MAPK1IP1L: variants seen among roughly 807,000 people sequenced by gnomAD.
MAPK1IP1L encodes the protein MAPK-interacting and spindle-stabilizing protein-like.
In MAPK1IP1L, 10 loss-of-function variants were observed where a neutral mutation model predicts 18.1. The observed-to-expected ratio is 0.55, with a 90% CI of 0.34 to 0.94. MAPK1IP1L has a LOEUF of 0.94. Among genes scored for constraint, MAPK1IP1L ranks in the 40% least tolerant of loss-of-function variants. The pLI is 0.02. For synonymous variants in MAPK1IP1L, 115 were observed against 117.3 expected, an observed-to-expected ratio of 0.98 and a Z score of 0.13; for missense variants, 260 against 318.2, an observed-to-expected ratio of 0.82 and a Z score of 1.39.
At chr14:55,062,165 C>T (rs2042822797) in intron 2 of MAPK1IP1L, among the ~76,000 whole-genome samples, 1 of 152,022 alleles carries the variant, frequency 6.6e-6, no homozygotes, top group South Asian at 2.1e-4. Flanking sequence ...TATTATATAC[C>T]AGGCACTCTG....
Position 55,065,835 on chromosome 14 carries a change from G to A in MAPK1IP1L, c.*1208G>A, listed in dbSNP as rs1289163759. 1 of 152,186 alleles carries A rather than the reference G, an allele frequency of 6.6e-6. No homozygotes were observed. Among genetic ancestry groups the A allele is most frequent in the South Asian group, 2.1e-4 (1 of 4,836 alleles). 9.4% of individuals were successfully genotyped at this position (152,186 alleles called of 1,614,324 possible). A position where few individuals can be genotyped will look rare whatever the true frequency, so the allele number is the denominator to read the frequency against. ...AGTTCAGTTCTGTATTTGTTGACAG[G>A]TAAATAAGTGGAGTTGAGTGCCATC... On this transcript the variant is annotated 3_prime_UTR_variant, in exon 4 of 4. Transcript: ENST00000395468.
At chr14:55,051,977 G>T (rs1003910621) in intron 1 of MAPK1IP1L, among the ~76,000 whole-genome samples, 174 bp downstream of exon 1, 1 of 152,118 alleles carries the variant, frequency 6.6e-6, no homozygotes, top group East Asian at 1.9e-4. Flanking sequence ...CGTTTCTATC[G>T]GTCGCCTTCC....
chr14:55,051,686 G>C lies in MAPK1IP1L; in HGVS notation c.-122G>C, dbSNP rs1373737054. The C allele has an allele frequency of 7.8e-6, 4 of 516,102 alleles. No homozygotes were observed. Among genetic ancestry groups the C allele is most frequent in the Non-Finnish European group, 1.2e-5 (3 of 259,504 alleles). 32.0% of individuals were successfully genotyped at this position (516,102 alleles called of 1,614,324 possible). A position where few individuals can be genotyped will look rare whatever the true frequency, so the allele number is the denominator to read the frequency against. Reference sequence around the variant, plus strand: ...CGCCAGGAGGAGCCGCGCGCTGCTGGTGCTGTTGCCGCCGCTGCTCTAGCT... The same window carrying C: ...CGCCAGGAGGAGCCGCGCGCTGCTGCTGCTGTTGCCGCCGCTGCTCTAGCT... On this transcript the variant is annotated 5_prime_UTR_variant, in exon 1 of 4. Transcript: ENST00000395468.
In MAPK1IP1L at chr14:55,062,640, A is replaced by T; in HGVS notation, c.41A>T (p.His14Leu). Reference protein sequence around the residue: ...EFSLADALPEHSPAKTSAVSN... With the variant: ...EFSLADALPELSPAKTSAVSN... ...CAGTTGGCAGATGCACTACCTGAACACTCCCCTGCCAAAACCTCTGCTGTG... is the reference window on the plus strand; with the variant it reads ...CAGTTGGCAGATGCACTACCTGAACTCTCCCCTGCCAAAACCTCTGCTGTG... The change falls in exon 3 of 4, where the codon CAC (histidine) becomes CTC (leucine). Residue 14 changes from histidine to leucine, a missense_variant. Transcript: ENST00000395468. 1 of 1,613,022 alleles carries T rather than the reference A, an allele frequency of 6.2e-7. No individual in the cohort carries two copies.
At position 55,062,755 on chromosome 14, in the gene MAPK1IP1L, A is replaced by T. The variant is rs1271891111; in HGVS notation, c.156A>T (p.Gly52=). The T allele has an allele frequency of 6.2e-7, 1 of 1,613,504 alleles. No homozygotes were observed. The highest frequency in any genetic ancestry group is 8.5e-7 in the Non-Finnish European group (1 of 1,179,850). Reference sequence around the variant, plus strand: ...GTGCTCCATCTTCAGTGCCATCTGGACTCCCACCAAGTGCAACACCCTCCA... The same window carrying T: ...GTGCTCCATCTTCAGTGCCATCTGGTCTCCCACCAAGTGCAACACCCTCCA... The part of the protein sequence containing the change: ...NPSAPSSVPS[G]LPPSATPSTV... The change falls in exon 3 of 4, where the codon GGA becomes GGT. Residue 52 remains glycine, a synonymous_variant. Transcript: ENST00000395468.
In MAPK1IP1L at chr14:55,065,789, T is replaced by G. The variant is rs1008695620; in HGVS notation, c.*1162T>G. 1 of 152,222 alleles carries G rather than the reference T, an allele frequency of 6.6e-6. No individual in the cohort carries two copies. Among genetic ancestry groups the G allele is most frequent in the Non-Finnish European group, 1.5e-5 (1 of 68,034 alleles). The allele number at this position is 152,222 out of a possible 1,614,324, so 9.4% of individuals were successfully genotyped here. A position where few individuals can be genotyped will look rare whatever the true frequency, so the allele number is the denominator to read the frequency against. On this transcript the variant is annotated 3_prime_UTR_variant, in exon 4 of 4. Coordinates refer to ENST00000395468, the MANE Select transcript of MAPK1IP1L (RefSeq NM_144578.4). The stretch of plus-strand genomic sequence containing the variant: ...TACTGCATAGTTTCCTGAGTCTGTT[T>G]GTAAAGTGCTTATGGCTAACAGTTC...
intron 1 of MAPK1IP1L, among the ~76,000 whole-genome samples, chr14:55,059,925 G>A: frequency 6.6e-6 from 1 of 152,116 alleles, no homozygotes; most frequent in Admixed American, 6.5e-5. Context: ...AAGATAGATA[G>A]TTGATAATTA....
intron 1 of MAPK1IP1L, among the ~76,000 whole-genome samples, chr14:55,057,144 C>T (rs577863204): frequency 6.6e-6 from 1 of 152,280 alleles, no homozygotes; most frequent in South Asian, 2.1e-4. Flanking sequence ...CATACTTAAA[C>T]ATTAGCATTC....
Position 55,060,154 on chromosome 14 carries a change from A to ATTT in MAPK1IP1L, c.-4-1493_-4-1491dup, listed in dbSNP as rs71131248. 3.2e-3 allele frequency among the ~76,000 whole-genome samples: 202 copies of ATTT among 63,930 alleles called. 5 individuals carry two copies. The highest frequency in any genetic ancestry group is 9.6e-3 in the East Asian group (16 of 1,672). 41.9% of individuals were successfully genotyped at this position (63,930 alleles called of 152,430 possible). On this transcript the variant is annotated intron_variant, in intron 1 of 3. Coordinates refer to ENST00000395468, the MANE Select transcript of MAPK1IP1L (RefSeq NM_144578.4). ...TACAGATAAAAGGAATTTTGGAGAA[A>ATTT]TTTTTTTTTTTTTTTTTTTTTTTTT...
Position 55,063,056 on chromosome 14 carries a change from T to G in MAPK1IP1L, c.457T>G (p.Trp153Gly), listed in dbSNP as rs1245309955. Reference protein sequence around the residue: ...GPWGSMSSGPWAPGMGGQYPT... With the variant: ...GPWGSMSSGPGAPGMGGQYPT... ...ATGGGGATCCATGTCTTCTGGACCT[T>G]GGGCGCCAGGAATGGGAGGGCAGTA... The change falls in exon 3 of 4, where the codon TGG becomes GGG. Residue 153 changes from tryptophan (W) to glycine (G), a missense_variant. Coordinates refer to ENST00000395468, the MANE Select transcript of MAPK1IP1L (RefSeq NM_144578.4). 1 of 1,613,700 alleles carries G rather than the reference T, an allele frequency of 6.2e-7. No homozygotes were observed. The highest frequency in any genetic ancestry group is 1.3e-5 in the African/African-American group (1 of 74,900).
chr14:55,054,798 T>A (rs2042758449), intron 1 of MAPK1IP1L, among the ~76,000 whole-genome samples: 1 of 152,114 alleles, frequency 6.6e-6, no homozygotes, highest in South Asian at 2.1e-4. Context: ...TTAACCACCC[T>A]CCTCCCTGAC....
At position 55,051,775 on chromosome 14, in the gene MAPK1IP1L, GAC is replaced by G. The variant is rs2042730380; in HGVS notation, c.-32_-31del. 3 of 509,682 alleles carry G rather than the reference GAC, an allele frequency of 5.9e-6. No homozygotes were observed. The highest frequency in any genetic ancestry group is 1.2e-5 in the Non-Finnish European group (3 of 256,588). 31.6% of individuals were successfully genotyped at this position (509,682 alleles called of 1,614,324 possible). On this transcript the variant is annotated 5_prime_UTR_variant, in exon 1 of 4. Transcript: ENST00000395468. ...TCCCTCGGACCCATCGCCGCTTCTA[GAC>G]CCTACTGCGGTCTCGGATATTGCCG... is the stretch of plus-strand genomic sequence containing the variant.
chr14:55,053,285 G>A (rs1395983311), intron 1 of MAPK1IP1L, among the ~76,000 whole-genome samples: 1 of 152,180 alleles, frequency 6.6e-6, no homozygotes, highest in Non-Finnish European at 1.5e-5. Flanking sequence ...TGGAGAGTTG[G>A]ACTTGTCAAC....
At position 55,060,066 on chromosome 14, in the gene MAPK1IP1L, G is replaced by A. The variant is rs575842569; in HGVS notation, c.-4-1614G>A. Among the ~76,000 whole-genome samples the A allele has an allele frequency of 2.0e-5, 3 of 148,508 alleles. No individual in the cohort carries two copies. In the East Asian group the frequency reaches 6.1e-4, roughly 30 times the overall value. On this transcript the variant is annotated intron_variant, in intron 1 of 3. Coordinates refer to ENST00000395468, the MANE Select transcript of MAPK1IP1L (RefSeq NM_144578.4). ...CAGAAGCCACGTATAGGAAAACATT[G>A]ATAGATTTGATGACATGAAATTTAA... is the stretch of plus-strand genomic sequence containing the variant.
At chr14:55,059,243 AAAG>A (rs1324924571) in intron 1 of MAPK1IP1L, among the ~76,000 whole-genome samples, 2 of 151,336 alleles carry the variant, frequency 1.3e-5, no homozygotes, top group Non-Finnish European at 2.9e-5. Context: ...AAAAAAAAAA[AAAG>A]ACAGTAGGGT....
intron 1 of MAPK1IP1L, among the ~76,000 whole-genome samples, chr14:55,061,349 C>G (rs1484597723): frequency 1.3e-5 from 2 of 152,044 alleles, no homozygotes; most frequent in Admixed American, 1.3e-4. Flanking sequence ...GTGCTTTTTC[C>G]TGGTGTTAGA....
intron 1 of MAPK1IP1L, among the ~76,000 whole-genome samples, chr14:55,057,915 AC>A (rs2042784410): frequency 6.6e-6 from 1 of 152,132 alleles, no homozygotes; most frequent in Non-Finnish European, 1.5e-5. Flanking sequence ...AGCCTCGGTG[AC>A]AGAGCAAGAC....
At position 55,067,190 on chromosome 14, in the gene MAPK1IP1L, C is replaced by T. The variant is rs2042869748; in HGVS notation, c.*2563C>T. On this transcript the variant is annotated 3_prime_UTR_variant, in exon 4 of 4. Transcript: ENST00000395468. ...AAGTGCTGGGATTACAGGCGTGAGC[C>T]ACCACGTCCGGCCGATTTTTTTTTT... 1 of 143,034 alleles carries T rather than the reference C, an allele frequency of 7.0e-6. No homozygotes were observed. Among genetic ancestry groups the T allele is most frequent in the Non-Finnish European group, 1.5e-5 (1 of 66,462 alleles). 8.9% of individuals were successfully genotyped at this position (143,034 alleles called of 1,614,324 possible).
chr14:55,056,468 T>C (rs2042771881), intron 1 of MAPK1IP1L, among the ~76,000 whole-genome samples: 1 of 152,174 alleles, frequency 6.6e-6, no homozygotes, highest in Non-Finnish European at 1.5e-5. Context: ...TGTGATGTGA[T>C]TGACGTTAAA....
Sources: gnomAD v4.1 joint callset for allele counts (sites outside exome capture counted in the v4.1 genomes callset) on GRCh38, gnomAD v4.1.1 for gene constraint, MANE v1.5 for transcripts, NCBI Gene and HGNC (gene_info 2026-07-23, HGNC 2026-07-21) for gene names.